The following TBC1D4 variants were observed in gnomAD, a reference collection of about 807,000 sequenced individuals.
TBC1D4 encodes TBC (Tre-2, BUB2, CDC16) domain-containing protein.
Under a neutral mutation model 142.5 loss-of-function variants are expected in TBC1D4, and 121 were observed. The observed-to-expected ratio is 0.85, with a 90% CI of 0.73 to 0.99. The LOEUF is 0.99. Ranked by LOEUF, TBC1D4 falls within the 50% of genes least tolerant of loss-of-function variation. The pLI, the probability that TBC1D4 is intolerant of heterozygous loss-of-function variation, is 0.00. For missense variants in TBC1D4, 1,475 were observed against 1,606.6 expected (o/e 0.92, Z 1.40); for synonymous variants, 630 against 628.2 (o/e 1.00, Z -0.04).
At chr13:75,426,726 A>C (rs1886384367) in intron 1 of TBC1D4, among the ~76,000 whole-genome samples, 1 of 152,122 alleles carries the variant, frequency 6.6e-6, no homozygotes, top group South Asian at 2.1e-4. Flanking sequence ...CCCAAAACAA[A>C]AAGCTTTAAA....
chr13:75,306,605 T>A, intron 14 of TBC1D4, 134 bp from the exon 15 acceptor site: 4 of 1,051,396 alleles, frequency 3.8e-6, no homozygotes, highest in Non-Finnish European at 5.5e-6. Flanking sequence ...AAAGAAAATT[T>A]AAAACAAATT....
intron 5 of TBC1D4, among the ~76,000 whole-genome samples, chr13:75,344,648 AC>A (rs1381817904): frequency 2.0e-5 from 3 of 151,932 alleles, no homozygotes; most frequent in African/African-American, 7.3e-5. Flanking sequence ...CTTCGATGCC[AC>A]CCCCTCAATT....
intron 1 of TBC1D4, among the ~76,000 whole-genome samples, chr13:75,427,519 A>G (rs908788762): frequency 2.0e-5 from 3 of 152,164 alleles, no homozygotes; most frequent in Admixed American, 1.3e-4. Context: ...CCCTGTCTCT[A>G]TTTTTGAATT....
intron 3 of TBC1D4, among the ~76,000 whole-genome samples, chr13:75,358,016 A>AG (rs1882190267): frequency 7.2e-6 from 1 of 138,482 alleles, no homozygotes. Context: ...TTTTTCTTTT[A>AG]GCTGCCCAAT....
At chr13:75,459,059 A>T (rs1202265720) in intron 1 of TBC1D4, among the ~76,000 whole-genome samples, 2 of 151,908 alleles carry the variant, frequency 1.3e-5, no homozygotes, top group African/African-American at 4.8e-5. Flanking sequence ...TCTCCCCCTT[A>T]ACCTAATTAC....
intron 1 of TBC1D4, among the ~76,000 whole-genome samples, chr13:75,401,190 C>T (rs1468594128): frequency 6.6e-6 from 1 of 152,172 alleles, no homozygotes; most frequent in Non-Finnish European, 1.5e-5. Flanking sequence ...TCCCCTTCTC[C>T]CTGACCCAGC....
chr13:75,376,763 T>C (rs1335046013), intron 1 of TBC1D4, among the ~76,000 whole-genome samples: 1 of 152,216 alleles, frequency 6.6e-6, no homozygotes, highest in Non-Finnish European at 1.5e-5. Flanking sequence ...CATCTAAAAC[T>C]TACTTCAACC....
intron 1 of TBC1D4, among the ~76,000 whole-genome samples, chr13:75,391,035 CACA>C (rs1263935227): frequency 2.4e-3 from 3 of 1,268 alleles, no homozygotes; most frequent in African/African-American, 3.3e-3. Flanking sequence ...TCCCCCACCA[CACA>C]CACACACACA....
At chr13:75,288,529 T>C (rs921114827) in intron 20 of TBC1D4, among the ~76,000 whole-genome samples, 2 of 152,126 alleles carry the variant, frequency 1.3e-5, no homozygotes, top group African/African-American at 4.8e-5. Context: ...GTCCTTCTGA[T>C]TGATGCCACC....
chr13:75,336,335 T>G (rs188049994), intron 8 of TBC1D4, among the ~76,000 whole-genome samples: 6 of 151,968 alleles, frequency 3.9e-5, no homozygotes, highest in Admixed American at 1.3e-4. Flanking sequence ...AGACAGAGAT[T>G]GCAGTAAGCT....
At chr13:75,421,783 C>T (rs374403979) in intron 1 of TBC1D4, among the ~76,000 whole-genome samples, 1 of 152,148 alleles carries the variant, frequency 6.6e-6, no homozygotes, top group East Asian at 1.9e-4. Flanking sequence ...ACTTTCTTAA[C>T]AAAAGACAAT....
chr13:75,302,194 G>C, intron 16 of TBC1D4, 49 bp downstream of exon 16: 2 of 1,609,934 alleles, frequency 1.2e-6, no homozygotes, highest in African/African-American at 1.3e-5. Context: ...ACTTAACAGA[G>C]GGATCAGCTG....
rs182014135 is a variant in TBC1D4 at position 75,348,746 on chromosome 13, T to A, written c.1408+424A>T. On this transcript the variant is annotated intron_variant, in intron 5 of 20. Transcript: ENST00000377636. Reference sequence around the variant, plus strand: ...ACATTTTTAGAAAAGGAACTCATCATCAAGTAAAGGAGAAAAGGGGAAATA... The same window carrying A: ...ACATTTTTAGAAAAGGAACTCATCAACAAGTAAAGGAGAAAAGGGGAAATA... 1.1e-4 allele frequency among the ~76,000 whole-genome samples: 16 copies of A among 152,312 alleles called. No homozygotes were observed. In the East Asian group the frequency reaches 3.1e-3, roughly 29 times the overall value.
chr13:75,420,775 G>A (rs1886131115), intron 1 of TBC1D4, among the ~76,000 whole-genome samples: 1 of 152,146 alleles, frequency 6.6e-6, no homozygotes, highest in African/African-American at 2.4e-5. Flanking sequence ...AGATGCAATG[G>A]GGACAGGAAG....
chr13:75,430,949 C>T (rs901645050), intron 1 of TBC1D4, among the ~76,000 whole-genome samples: 3 of 152,102 alleles, frequency 2.0e-5, no homozygotes, highest in Non-Finnish European at 2.9e-5. Flanking sequence ...CAGTGAAAGA[C>T]AAGGTGAACC....
intron 1 of TBC1D4, among the ~76,000 whole-genome samples, chr13:75,457,111 G>A (rs747719302): frequency 1.1e-4 from 17 of 152,102 alleles, no homozygotes; most frequent in Non-Finnish European, 2.2e-4. Flanking sequence ...TCAGGATAAT[G>A]ATTTCTAAGG....
chr13:75,385,905 G>C (rs1051934336), intron 1 of TBC1D4, among the ~76,000 whole-genome samples: 2 of 152,182 alleles, frequency 1.3e-5, no homozygotes, highest in African/African-American at 4.8e-5. Flanking sequence ...CAAAGACTAT[G>C]AGATTAGAAC....
intron 1 of TBC1D4, among the ~76,000 whole-genome samples, chr13:75,416,534 G>T (rs750112093): frequency 3.8e-4 from 58 of 152,184 alleles, no homozygotes; most frequent in Non-Finnish European, 6.8e-4. Flanking sequence ...TCAAGTGCAG[G>T]AAAAGACAAA....
chr13:75,332,401 A>T (rs1879826724), intron 8 of TBC1D4, among the ~76,000 whole-genome samples: 1 of 152,258 alleles, frequency 6.6e-6, no homozygotes, highest in African/African-American at 2.4e-5. Flanking sequence ...GGCTAGGGCC[A>T]GGGATTACAT....
Sources: allele counts gnomAD v4.1 joint callset (sites outside exome capture counted in the v4.1 genomes callset), GRCh38; gene constraint gnomAD v4.1.1; transcripts MANE v1.5; gene names NCBI Gene and HGNC (gene_info 2026-07-23, HGNC 2026-07-21).